Variants in INPP4A observed in about 807,000 individuals in gnomAD.
INPP4A encodes inositol polyphosphate-4-phosphatase, type I, 107kD.
INPP4A carries 33 observed loss-of-function variants against 119.8 expected under a neutral mutation model. The ratio of observed to expected loss-of-function variants is 0.28; its 90% confidence interval spans 0.21 to 0.37. The LOEUF (loss-of-function observed/expected upper bound fraction) is 0.37, where lower values mean the gene tolerates loss of function less well. Among genes scored for constraint, INPP4A ranks in the 10% least tolerant of loss-of-function variants. INPP4A has a pLI of 1.00. For synonymous variants in INPP4A, 496 were observed against 500.7 expected (o/e 0.99, Z 0.12); for missense variants, 956 against 1,289.9 (o/e 0.74, Z 3.97).
At chr2:98,537,765 C>A in intron 7 of INPP4A, 98 bp from the exon 8 acceptor site, 2 of 885,318 alleles carry the variant, frequency 2.3e-6, no homozygotes, top group Non-Finnish European at 3.7e-6. Flanking sequence ...CCTGCTGCCC[C>A]CAGGACCCTG....
At chr2:98,568,796 C>G (rs1488475418) in intron 22 of INPP4A, 128 bp downstream of exon 22, 2 of 649,966 alleles carry the variant, frequency 3.1e-6, no homozygotes, top group East Asian at 5.5e-5. Context: ...TTCCCTTTCT[C>G]CCTAAACACA....
Position 98,520,111 on chromosome 2 carries a change from C to T in INPP4A, c.63C>T (p.Ser21=). The change falls in exon 3 of 25, where the codon TCC becomes TCT. Residue 21 remains serine (S), a synonymous_variant. Transcript: ENST00000409851. ...GARARAMQRA[S]TIDVAADMLG... is the part of the protein sequence containing the mutation. ...GGGCCCGTGCAATGCAGCGGGCTTC[C>T]ACCATCGACGTGGCGGCCGACATGC... is the stretch of plus-strand genomic sequence containing the variant. 6.4e-7 allele frequency: 1 copy of T among 1,572,782 alleles called. No homozygotes were observed. Among genetic ancestry groups the T allele is most frequent in the South Asian group, 1.2e-5 (1 of 85,710 alleles).
chr2:98,521,033 A>C, intron 4 of INPP4A: 1 of 263,698 alleles, frequency 3.8e-6, no homozygotes, highest in Non-Finnish European at 7.1e-6. Context: ...GCCAACAGAG[A>C]CCCTCCCCAC....
Position 98,574,587 on chromosome 2 carries a change from G to A in INPP4A, c.2631+1660G>A, listed in dbSNP as rs181706797. Reference sequence around the variant, plus strand: ...TGGGAGGCGGAGGTTGCAGTAAGCCGAAATCACACTACTGCACTCCAGCCT... The same window carrying A: ...TGGGAGGCGGAGGTTGCAGTAAGCCAAAATCACACTACTGCACTCCAGCCT... On this transcript the variant is annotated intron_variant, in intron 23 of 24. Transcript: ENST00000409851. Among the ~76,000 whole-genome samples the A allele has an allele frequency of 3.6e-4, 54 of 148,678 alleles. 1 individual carries two copies. The East Asian group carries it at 9.7e-3, about 27-fold the overall frequency.
Position 98,495,168 on chromosome 2 carries a change from T to C in INPP4A, c.-165-23796T>C, listed in dbSNP as rs561007156. Among the ~76,000 whole-genome samples the C allele has an allele frequency of 2.6e-4, 39 of 152,260 alleles. No homozygotes were observed. The South Asian group carries it at 8.1e-3, about 32-fold the overall frequency. On this transcript the variant is annotated intron_variant, in intron 1 of 24. Transcript: ENST00000409851. ...AGATGTCATTTTCAACACAAAATTATAAGATATGCAAAGAAATAATGACAG... is the reference window on the plus strand; with the variant it reads ...AGATGTCATTTTCAACACAAAATTACAAGATATGCAAAGAAATAATGACAG...
At chr2:98,462,352 A>G (rs113257281) in intron 1 of INPP4A, among the ~76,000 whole-genome samples, 2,349 of 152,200 alleles carry the variant, frequency 0.015, 67 homozygotes, top group African/African-American at 0.054. Context: ...GGAGTCTGAG[A>G]TAGGAGAATC....
chr2:98,507,637 C>A (rs12614502), intron 1 of INPP4A, among the ~76,000 whole-genome samples: 1 of 152,088 alleles, frequency 6.6e-6, no homozygotes, highest in African/African-American at 2.4e-5. Flanking sequence ...CCCATGCAGG[C>A]GGCCTCTGGT....
intron 4 of INPP4A, among the ~76,000 whole-genome samples, chr2:98,525,224 G>T (rs879922110): frequency 6.6e-6 from 1 of 152,192 alleles, no homozygotes; most frequent in East Asian, 1.9e-4. Flanking sequence ...TGGACTTACA[G>T]TCCTCTTCCT....
At chr2:98,454,926 C>T (rs1457172931) in intron 1 of INPP4A, among the ~76,000 whole-genome samples, 12 of 152,160 alleles carry the variant, frequency 7.9e-5, no homozygotes, top group African/African-American at 2.4e-5. Context: ...ATTCATTCTT[C>T]GTGCTCTGTG....
rs1428172742 is a variant in INPP4A at position 98,554,771 on chromosome 2, C to G, written c.1566+282C>G. Among the ~76,000 whole-genome samples, 2 of 152,200 alleles carry G rather than the reference C, an allele frequency of 1.3e-5. No individual in the cohort carries two copies. Among genetic ancestry groups the G allele is most frequent in the East Asian group, 1.9e-4 (1 of 5,186 alleles). The stretch of plus-strand genomic sequence containing the variant: ...TGGGTTTTCCTCCCGTGTTGGAGGT[C>G]TCTCCTTCCCCTGCCTCCTGTGCCT... On this transcript the variant is annotated intron_variant, in intron 15 of 24. Coordinates refer to ENST00000409851, the MANE Select transcript of INPP4A (RefSeq NM_001134225.2). This position sits in a 1 kb window ranked among gnomAD's most constrained non-coding sequence, Gnocchi z 4.7.
intron 1 of INPP4A, among the ~76,000 whole-genome samples, chr2:98,474,197 G>A (rs1269444161): frequency 6.6e-6 from 1 of 152,162 alleles, no homozygotes; most frequent in African/African-American, 2.4e-5. Context: ...TGCATTTGTG[G>A]TATCTAATAT....
intron 7 of INPP4A, among the ~76,000 whole-genome samples, 187 bp downstream of exon 7, chr2:98,536,395 T>C (rs1160540183): frequency 6.6e-6 from 1 of 152,146 alleles, no homozygotes; most frequent in Non-Finnish European, 1.5e-5. Flanking sequence ...TGGAAACTTT[T>C]AGCATCCATA....
intron 1 of INPP4A, among the ~76,000 whole-genome samples, chr2:98,450,009 T>C (rs1181671641): frequency 6.6e-6 from 1 of 152,250 alleles, no homozygotes. Flanking sequence ...TGGGCTGTTT[T>C]TCCTTATCTT....
At chr2:98,445,433 GTTT>G (rs1432747126) in intron 1 of INPP4A, among the ~76,000 whole-genome samples, 1 of 152,220 alleles carries the variant, frequency 6.6e-6, no homozygotes, top group Non-Finnish European at 1.5e-5. Flanking sequence ...GCCTTGCCGT[GTTT>G]GGGGTGGAAA....
At chr2:98,576,229 G>A (rs930129861) in intron 23 of INPP4A, among the ~76,000 whole-genome samples, 1 of 152,218 alleles carries the variant, frequency 6.6e-6, no homozygotes, top group African/African-American at 2.4e-5. Context: ...TTTGGTGACT[G>A]TGTGCCTAGG....
At chr2:98,533,260 G>A (rs1160474603) in intron 4 of INPP4A, 117 bp from the exon 5 acceptor site, 38 of 644,614 alleles carry the variant, frequency 5.9e-5, no homozygotes, top group South Asian at 4.8e-4. Context: ...CGATGTGATC[G>A]TCTCATCTCT....
In INPP4A at chr2:98,554,227, C is replaced by A. The variant is rs1476890669; in HGVS notation, c.1348-44C>A. On this transcript the variant is annotated intron_variant, in intron 14 of 24. Transcript: ENST00000409851. This position sits in a 1 kb window ranked among gnomAD's most constrained non-coding sequence, Gnocchi z 4.7. ...TGAGATAAGGCAGGGGCCTCCCCAG[C>A]CCCTGGCCTGGGCTCAGCAGCCTTG... The A allele has an allele frequency of 6.7e-7, 1 of 1,487,584 alleles. No homozygotes were observed. The highest frequency in any genetic ancestry group is 9.2e-7 in the Non-Finnish European group (1 of 1,091,286). 92.1% of individuals were successfully genotyped at this position (1,487,584 alleles called of 1,614,324 possible). A position where few individuals can be genotyped will look rare whatever the true frequency, so the allele number is the denominator to read the frequency against.
intron 10 of INPP4A, 38 bp downstream of exon 10, chr2:98,539,713 C>T: frequency 1.3e-6 from 2 of 1,578,072 alleles, no homozygotes; most frequent in Non-Finnish European, 1.7e-6. Context: ...CCATCATACC[C>T]ATGTCATGTG....
At chr2:98,511,245 G>A (rs1375750798) in intron 1 of INPP4A, among the ~76,000 whole-genome samples, 1 of 152,108 alleles carries the variant, frequency 6.6e-6, no homozygotes, top group Non-Finnish European at 1.5e-5. Context: ...ATTTTTAGTA[G>A]AAAGGGGTTT....
Sources: allele counts gnomAD v4.1 joint callset (sites outside exome capture counted in the v4.1 genomes callset), GRCh38; gene constraint gnomAD v4.1.1; non-coding constraint Gnocchi (gnomAD v3.1); transcripts MANE v1.5; gene names NCBI Gene and HGNC (gene_info 2026-07-23, HGNC 2026-07-21).